The following AHCYL2 variants were observed in gnomAD, a reference collection of about 807,000 sequenced individuals.
AHCYL2 encodes the protein S-adenosylhomocysteine hydrolase-like protein 2.
Under a neutral mutation model 81.4 loss-of-function variants are expected in AHCYL2, and 28 were observed. That is an observed-to-expected ratio of 0.34 (90% CI 0.25 to 0.47). The LOEUF is 0.47. AHCYL2 is among the 20% of genes least tolerant of loss of function. The pLI is 1.00. For missense variants in AHCYL2, 551 were observed against 785.1 expected (o/e 0.70, Z 3.56); for synonymous variants, 272 against 290.2 (o/e 0.94, Z 0.64).
chr7:129,333,813 C>T (rs189802191), intron 1 of AHCYL2, among the ~76,000 whole-genome samples: 109 of 152,302 alleles, frequency 7.2e-4, no homozygotes, highest in African/African-American at 2.5e-3. Flanking sequence ...AAGTTTCTCA[C>T]TGGGCTGTAA....
At chr7:129,357,207 A>C (rs1253398463) in intron 1 of AHCYL2, among the ~76,000 whole-genome samples, 1 of 152,210 alleles carries the variant, frequency 6.6e-6, no homozygotes, top group Non-Finnish European at 1.5e-5. Context: ...GGAACTGAAA[A>C]GGGGTATTAG....
rs183415282 is a variant in AHCYL2, at chr7:129,331,418, G to A, written c.364-48220G>A. 3.3e-5 allele frequency among the ~76,000 whole-genome samples: 5 copies of A among 152,174 alleles called. No individual in the cohort carries two copies. The East Asian group carries it at 9.6e-4, about 29-fold the overall frequency. On this transcript the variant is annotated intron_variant, in intron 1 of 16. Transcript: ENST00000325006. ...ATAAACAACAATATCTGACAATAAA[G>A]GATTTTAAATAAAGTAGGATACATT...
chr7:129,413,328 A>G (rs1389052213), intron 11 of AHCYL2, among the ~76,000 whole-genome samples: 6 of 151,772 alleles, frequency 4.0e-5, no homozygotes, highest in African/African-American at 1.2e-4. Flanking sequence ...TTTTTAGTAG[A>G]GATGGGGTTT....
At chr7:129,337,614 G>T (rs186129354) in intron 1 of AHCYL2, among the ~76,000 whole-genome samples, 2 of 152,194 alleles carry the variant, frequency 1.3e-5, no homozygotes, top group East Asian at 3.9e-4. Flanking sequence ...GGCCAGGCTG[G>T]TCTCGAACTC....
intron 11 of AHCYL2, among the ~76,000 whole-genome samples, chr7:129,410,940 G>A (rs1007817863): frequency 6.6e-6 from 1 of 152,098 alleles, no homozygotes; most frequent in Non-Finnish European, 1.5e-5. Flanking sequence ...GATCTCTTTT[G>A]TTGTTTTAAA....
At chr7:129,278,763 C>T (rs1253681851) in intron 1 of AHCYL2, among the ~76,000 whole-genome samples, 78 of 111,294 alleles carry the variant, frequency 7.0e-4, no homozygotes, top group African/African-American at 9.2e-4. Context: ...TATTGAAGCT[C>T]TTTTTTTTTT....
intron 1 of AHCYL2, among the ~76,000 whole-genome samples, chr7:129,300,723 T>C (rs1797230414): frequency 6.6e-6 from 1 of 152,208 alleles, no homozygotes; most frequent in Admixed American, 6.5e-5. Flanking sequence ...AGTCTCTAAA[T>C]TGTTCTTCAT....
intron 1 of AHCYL2, among the ~76,000 whole-genome samples, chr7:129,258,883 G>T (rs1795521305): frequency 6.6e-6 from 1 of 152,124 alleles, no homozygotes; most frequent in Non-Finnish European, 1.5e-5. Flanking sequence ...GAGCCTTCTT[G>T]GGCAGGAAGT....
At chr7:129,363,026 A>G (rs1379278483) in intron 1 of AHCYL2, among the ~76,000 whole-genome samples, 3 of 152,176 alleles carry the variant, frequency 2.0e-5, no homozygotes, top group Non-Finnish European at 4.4e-5. Flanking sequence ...ATGGATGACG[A>G]TAGTATCGAG....
intron 1 of AHCYL2, among the ~76,000 whole-genome samples, chr7:129,309,938 G>GTTT (rs958689977): frequency 6.6e-5 from 10 of 152,056 alleles, no homozygotes; most frequent in African/African-American, 2.4e-4. Flanking sequence ...ACACCAAAAA[G>GTTT]TTTAGGCTTT....
chr7:129,417,199 T>G (rs1796900791), intron 12 of AHCYL2, among the ~76,000 whole-genome samples: 1 of 152,184 alleles, frequency 6.6e-6, no homozygotes, highest in Admixed American at 6.5e-5. Flanking sequence ...GATTTTTATG[T>G]AAACAGCATT....
At chr7:129,249,457 C>T (rs953665893) in intron 1 of AHCYL2, among the ~76,000 whole-genome samples, 1 of 151,490 alleles carries the variant, frequency 6.6e-6, no homozygotes, top group African/African-American at 2.4e-5. Context: ...CTTGCTCTGT[C>T]GCCCAGGCCG....
chr7:129,385,008 T>C (rs987121065), intron 2 of AHCYL2, among the ~76,000 whole-genome samples: 2 of 152,246 alleles, frequency 1.3e-5, no homozygotes, highest in African/African-American at 2.4e-5. Flanking sequence ...ACTTCTTTTT[T>C]AATCAGACCG....
chr7:129,313,250 T>C (rs538886987), intron 1 of AHCYL2, among the ~76,000 whole-genome samples: 10 of 152,238 alleles, frequency 6.6e-5, no homozygotes, highest in Non-Finnish European at 1.3e-4. Flanking sequence ...TCTCATGTTG[T>C]ATTTTTGTTT....
At chr7:129,333,682 A>G (rs1261240780) in intron 1 of AHCYL2, among the ~76,000 whole-genome samples, 1 of 152,190 alleles carries the variant, frequency 6.6e-6, no homozygotes, top group African/African-American at 2.4e-5. Flanking sequence ...AGCATCAGAT[A>G]CACCAATCCT....
chr7:129,301,379 G>A (rs1797251116), intron 1 of AHCYL2, among the ~76,000 whole-genome samples: 1 of 152,054 alleles, frequency 6.6e-6, no homozygotes, highest in African/African-American at 2.4e-5. Flanking sequence ...GATCTGATTT[G>A]TCCATTTTTG....
chr7:129,404,461 G>A (rs1483599088), intron 7 of AHCYL2, among the ~76,000 whole-genome samples: 1 of 152,138 alleles, frequency 6.6e-6, no homozygotes, highest in Non-Finnish European at 1.5e-5. Flanking sequence ...ACAAAACTGA[G>A]GTCAGGAGTT....
At chr7:129,402,887 T>G (rs1796101620) in intron 6 of AHCYL2, among the ~76,000 whole-genome samples, 1 of 151,954 alleles carries the variant, frequency 6.6e-6, no homozygotes, top group Non-Finnish European at 1.5e-5. Flanking sequence ...TATAAACCAT[T>G]GTTCTGACAG....
intron 1 of AHCYL2, among the ~76,000 whole-genome samples, chr7:129,334,054 T>G (rs979232633): frequency 6.6e-6 from 1 of 152,054 alleles, no homozygotes; most frequent in African/African-American, 2.4e-5. Context: ...AATATTCTGT[T>G]GTTGGATGTA....
Sources: allele counts gnomAD v4.1 joint callset (sites outside exome capture counted in the v4.1 genomes callset), GRCh38; gene constraint gnomAD v4.1.1; transcripts MANE v1.5; gene names NCBI Gene and HGNC (gene_info 2026-07-23, HGNC 2026-07-21).